Variants in COL14A1 observed in about 807,000 individuals in gnomAD.
COL14A1 encodes collagen alpha-1(XIV) chain.
In COL14A1, 136 loss-of-function variants were observed where a neutral mutation model predicts 230.3. The observed-to-expected ratio is 0.59, with a 90% CI of 0.51 to 0.68. The LOEUF is 0.68. Ranked by LOEUF, COL14A1 falls within the 30% of genes least tolerant of loss-of-function variation. The pLI, the probability that COL14A1 is intolerant of heterozygous loss-of-function variation, is 0.00. For missense variants in COL14A1, 1,976 were observed against 2,215.8 expected (o/e 0.89, Z 2.17); for synonymous variants, 792 against 784.1 (o/e 1.01, Z -0.17).
intron 40 of COL14A1, among the ~76,000 whole-genome samples, chr8:120,317,348 CT>C (rs35206186): frequency 5.9e-5 from 9 of 152,052 alleles, no homozygotes; most frequent in Non-Finnish European, 1.3e-4. Flanking sequence ...ACATCCCCCC[CT>C]TTTTTTTAAC....
At chr8:120,200,154 C>T (rs1817187479) in intron 8 of COL14A1, among the ~76,000 whole-genome samples, 1 of 109,508 alleles carries the variant, frequency 9.1e-6, no homozygotes, top group South Asian at 3.0e-4. Context: ...GCAATGGGAA[C>T]GTCTTCTATT....
At chr8:120,206,192 C>T (rs1275395103) in intron 9 of COL14A1, among the ~76,000 whole-genome samples, 2 of 152,002 alleles carry the variant, frequency 1.3e-5, no homozygotes, top group African/African-American at 4.8e-5. Flanking sequence ...AATTGTGAGA[C>T]CTTGGTCAGG....
chr8:120,252,531 T>C (rs2129691978), intron 22 of COL14A1, among the ~76,000 whole-genome samples: 1 of 152,318 alleles, frequency 6.6e-6, no homozygotes, highest in South Asian at 2.1e-4. Flanking sequence ...GTCATGGTAT[T>C]GTCAAAAGAA....
At chr8:120,133,172 C>T (rs573368696) in intron 1 of COL14A1, among the ~76,000 whole-genome samples, 3 of 150,364 alleles carry the variant, frequency 2.0e-5, no homozygotes, top group East Asian at 2.0e-4. Context: ...GTTGAGATCG[C>T]GCCACTGCAC....
intron 1 of COL14A1, among the ~76,000 whole-genome samples, chr8:120,140,622 A>G (rs534908367): frequency 6.6e-6 from 1 of 152,336 alleles, no homozygotes; most frequent in African/African-American, 2.4e-5. Context: ...TTGTGTGTAT[A>G]TATGTGTATA....
chr8:120,172,439 C>T (rs1816124031), intron 5 of COL14A1, among the ~76,000 whole-genome samples: 1 of 152,192 alleles, frequency 6.6e-6, no homozygotes, highest in Non-Finnish European at 1.5e-5. Context: ...GCATGAGCCA[C>T]CGCAGCCGGT....
Position 120,125,357 on chromosome 8 carries a change from C to G in COL14A1, c.-38+17C>G, listed in dbSNP as rs1814293786. 6.6e-6 allele frequency: 1 copy of G among 152,354 alleles called. No homozygotes were observed. Among genetic ancestry groups the G allele is most frequent in the Non-Finnish European group, 1.5e-5 (1 of 68,124 alleles). The allele number at this position is 152,354 out of a possible 1,614,324, so 9.4% of individuals were successfully genotyped here. A position where few individuals can be genotyped will look rare whatever the true frequency, so the allele number is the denominator to read the frequency against. On this transcript the variant is annotated intron_variant, in intron 1 of 47. Transcript: ENST00000297848. ...CCAGCACAGGTCAGTTCGTCTTTCT[C>G]TGCTCTTCTTTGGCTCGGCTTCGAA...
Position 120,289,778 on chromosome 8 carries a change from A to C in COL14A1, c.4236+12A>C, listed in dbSNP as rs1394756434. The C allele has an allele frequency of 6.2e-7, 1 of 1,610,008 alleles. No individual in the cohort carries two copies. Among genetic ancestry groups the C allele is most frequent in the Non-Finnish European group, 8.5e-7 (1 of 1,178,208 alleles). On this transcript the variant is annotated intron_variant, in intron 34 of 47. Transcript: ENST00000297848. ...GAAACTCTGCACCGGTAAGTGAATA[A>C]ACCCGTGAAGCTGTGTTATTGTTAA...
chr8:120,225,071 A>T lies in COL14A1; in HGVS notation c.1738-17A>T. The T allele has an allele frequency of 1.2e-6, 2 of 1,605,174 alleles. No homozygotes were observed. On this transcript the variant is annotated splice_polypyrimidine_tract_variant and intron_variant, in intron 14 of 47. Transcript: ENST00000297848. ...AGCATTAGATAGAGCTGTTATTATG[A>T]CTTATTTCTTTGACAGGTTGAAGTC...
chr8:120,363,051 G>C (rs1197612995), intron 45 of COL14A1, among the ~76,000 whole-genome samples: 1 of 152,128 alleles, frequency 6.6e-6, no homozygotes, highest in Admixed American at 6.6e-5. Flanking sequence ...AAAAAGCAGT[G>C]TTCACCTAAC....
At chr8:120,276,112 TTA>T (rs553990675) in intron 26 of COL14A1, among the ~76,000 whole-genome samples, 44 of 150,536 alleles carry the variant, frequency 2.9e-4, no homozygotes, top group African/African-American at 9.5e-4. Context: ...AAAGACAATG[TTA>T]TATATATATG....
intron 40 of COL14A1, among the ~76,000 whole-genome samples, chr8:120,328,243 T>G (rs1414871704): frequency 1.3e-5 from 2 of 152,206 alleles, no homozygotes; most frequent in South Asian, 4.1e-4. Flanking sequence ...CTGCTTTATT[T>G]GTTTTTTTGA....
At chr8:120,300,642 T>C in intron 35 of COL14A1, 90 bp from the exon 36 acceptor site, 1 of 955,668 alleles carries the variant, frequency 1.0e-6, no homozygotes, top group Non-Finnish European at 1.6e-6. Context: ...AATCTAAAAA[T>C]ATCTTAAATC....
rs545520338 is a variant in COL14A1 at position 120,269,958 on chromosome 8, C to A, written c.3074-77C>A. ...AGAGCTTCACTTAGCAGAGGGCAAC[C>A]ATTATTTGTCTTATTGGTTTAATAA... On this transcript the variant is annotated intron_variant, in intron 25 of 47. Coordinates refer to ENST00000297848, the MANE Select transcript of COL14A1 (RefSeq NM_021110.4). The A allele has an allele frequency of 7.4e-6, 11 of 1,491,838 alleles. No individual in the cohort carries two copies. In the African/African-American group the frequency reaches 1.3e-4, roughly 17 times the overall value. 92.4% of individuals were successfully genotyped at this position (1,491,838 alleles called of 1,614,324 possible). A position where few individuals can be genotyped will look rare whatever the true frequency, so the allele number is the denominator to read the frequency against.
chr8:120,262,646 T>A (rs1175204163), intron 23 of COL14A1, among the ~76,000 whole-genome samples: 1 of 152,180 alleles, frequency 6.6e-6, no homozygotes, highest in East Asian at 1.9e-4. Flanking sequence ...AATAGTAAAC[T>A]TCATTTTTGG....
chr8:120,168,012 A>G, intron 4 of COL14A1, 149 bp from the exon 5 acceptor site: 1 of 482,760 alleles, frequency 2.1e-6, no homozygotes, highest in Non-Finnish European at 3.7e-6. Context: ...AAAACAAAAC[A>G]GCAGTTCTAA....
At chr8:120,299,893 C>T (rs1383586136) in intron 35 of COL14A1, among the ~76,000 whole-genome samples, 1 of 151,950 alleles carries the variant, frequency 6.6e-6, no homozygotes, top group Non-Finnish European at 1.5e-5. Context: ...TTTTATTTTC[C>T]CCCAAAGTCT....
At chr8:120,363,241 C>G (rs1328230945) in intron 45 of COL14A1, among the ~76,000 whole-genome samples, 1 of 152,154 alleles carries the variant, frequency 6.6e-6, no homozygotes, top group Non-Finnish European at 1.5e-5. Context: ...GAACACTATG[C>G]AACCATAAAA....
At chr8:120,292,855 A>G (rs924150828) in intron 34 of COL14A1, among the ~76,000 whole-genome samples, 3 of 152,054 alleles carry the variant, frequency 2.0e-5, no homozygotes, top group Admixed American at 1.3e-4. Context: ...ATTGAGTGGA[A>G]GATAGATTAA....
Sources: allele counts gnomAD v4.1 joint callset (sites outside exome capture counted in the v4.1 genomes callset), GRCh38; gene constraint gnomAD v4.1.1; transcripts MANE v1.5; gene names NCBI Gene and HGNC (gene_info 2026-07-23, HGNC 2026-07-21).